CTNNA3: variants seen among roughly 807,000 people sequenced by gnomAD.
The protein encoded by CTNNA3 is catenin alpha-3.
A neutral mutation model predicts 95.7 loss-of-function variants in CTNNA3; 76 were observed. The observed-to-expected ratio is 0.79, with a 90% CI of 0.66 to 0.96. The LOEUF is 0.96. Among genes scored for constraint, CTNNA3 ranks in the 40% least tolerant of loss-of-function variants. CTNNA3 has a pLI of 0.00. For missense variants in CTNNA3, 1,191 were observed against 1,089.8 expected, an observed-to-expected ratio of 1.09 and a Z score of -1.31; for synonymous variants, 431 against 374.4, an observed-to-expected ratio of 1.15 and a Z score of -1.74.
At chr10:66,281,725 T>C (rs2091494986) in intron 12 of CTNNA3, among the ~76,000 whole-genome samples, 1 of 151,914 alleles carries the variant, frequency 6.6e-6, no homozygotes, top group Admixed American at 6.6e-5. Context: ...AAGTTGTATC[T>C]GCTTGTATGG....
intron 7 of CTNNA3, among the ~76,000 whole-genome samples, chr10:66,952,328 A>G (rs766192069): frequency 2.0e-5 from 3 of 152,208 alleles, no homozygotes; most frequent in Non-Finnish European, 4.4e-5. Flanking sequence ...TTTATACTCA[A>G]TCTAAGAGCT....
chr10:66,212,332 A>G (rs967779078), intron 13 of CTNNA3, among the ~76,000 whole-genome samples: 6 of 152,132 alleles, frequency 3.9e-5, no homozygotes, highest in African/African-American at 1.2e-4. Flanking sequence ...TAATACTTAT[A>G]GTAATCTGTT....
At chr10:67,697,553 G>A (rs1840990636), upstream of CTNNA3, among the ~76,000 whole-genome samples, 4 of 152,122 alleles carry the variant, frequency 2.6e-5, no homozygotes, top group Admixed American at 2.6e-4. Flanking sequence ...ACAAAATGTA[G>A]ATGAGAACTC....
At chr10:67,430,522 A>G (rs535176372) in intron 5 of CTNNA3, among the ~76,000 whole-genome samples, 1 of 152,070 alleles carries the variant, frequency 6.6e-6, no homozygotes, top group African/African-American at 2.4e-5. Context: ...TGATATATTT[A>G]ATAGTACCCA....
intron 5 of CTNNA3, among the ~76,000 whole-genome samples, chr10:67,345,424 G>A (rs554245348): frequency 7.3e-4 from 111 of 152,054 alleles, no homozygotes; most frequent in Non-Finnish European, 1.3e-3. Flanking sequence ...AATGCTGAAA[G>A]TGGGGTGTTG....
At chr10:66,038,908 G>C (rs747528291) in intron 15 of CTNNA3, among the ~76,000 whole-genome samples, 3 of 152,152 alleles carry the variant, frequency 2.0e-5, no homozygotes, top group Non-Finnish European at 4.4e-5. Context: ...TATCAGGCAA[G>C]AGAAAGAAAT....
intron 11 of CTNNA3, among the ~76,000 whole-genome samples, chr10:66,463,481 A>G (rs56112527): frequency 0.11 from 16,315 of 152,144 alleles, 1,178 homozygotes; most frequent in African/African-American, 0.21. Flanking sequence ...ACGCTCTCAC[A>G]TATTCCTTTA....
chr10:67,410,859 C>T (rs1845340422), intron 5 of CTNNA3, among the ~76,000 whole-genome samples: 1 of 152,096 alleles, frequency 6.6e-6, no homozygotes, highest in Non-Finnish European at 1.5e-5. Context: ...CAGGGGGAAC[C>T]TGTTCAGCCT....
chr10:67,307,909 G>A (rs1162316674), intron 5 of CTNNA3, among the ~76,000 whole-genome samples: 1 of 152,122 alleles, frequency 6.6e-6, no homozygotes, highest in East Asian at 1.9e-4. Flanking sequence ...AGTGGAATTA[G>A]GAATTAACAC....
intron 9 of CTNNA3, among the ~76,000 whole-genome samples, chr10:66,654,517 G>T (rs1299321332): frequency 6.6e-6 from 1 of 152,038 alleles, no homozygotes; most frequent in Middle Eastern, 3.2e-3. Context: ...ATGGAAATTA[G>T]TACAGCCATA....
intron 11 of CTNNA3, among the ~76,000 whole-genome samples, chr10:66,519,423 A>G (rs994483642): frequency 6.6e-6 from 1 of 152,162 alleles, no homozygotes; most frequent in African/African-American, 2.4e-5. Context: ...ATCATATTGC[A>G]TCTGTGAAAG....
chr10:66,344,226 C>A (rs865944859), intron 12 of CTNNA3, among the ~76,000 whole-genome samples: 85 of 139,762 alleles, frequency 6.1e-4, no homozygotes, highest in Middle Eastern at 3.6e-3. Flanking sequence ...GACTCCATCT[C>A]AAAAAAAAAA....
At chr10:65,977,770 C>T (rs765829668) in intron 16 of CTNNA3, among the ~76,000 whole-genome samples, 13 of 151,810 alleles carry the variant, frequency 8.6e-5, no homozygotes, top group Admixed American at 1.3e-4. Context: ...GACAGAGAGA[C>T]TCCGTCTCAA....
At chr10:66,075,369 A>G (rs2080530292) in intron 14 of CTNNA3, among the ~76,000 whole-genome samples, 1 of 151,856 alleles carries the variant, frequency 6.6e-6, no homozygotes, top group African/African-American at 2.4e-5. Context: ...TTATACAGCA[A>G]TTAACAATCC....
At chr10:65,991,446 GT>G (rs2078544053) in intron 15 of CTNNA3, among the ~76,000 whole-genome samples, 1 of 151,376 alleles carries the variant, frequency 6.6e-6, no homozygotes, top group African/African-American at 2.4e-5. Flanking sequence ...TTCCACCAGT[GT>G]TTTATAGTTT....
intron 13 of CTNNA3, among the ~76,000 whole-genome samples, chr10:66,214,987 A>G (rs543361868): frequency 2.0e-4 from 30 of 152,278 alleles, no homozygotes; most frequent in African/African-American, 6.0e-4. Context: ...TGATGACTAG[A>G]TAGATAGATA....
intron 12 of CTNNA3, among the ~76,000 whole-genome samples, chr10:66,283,598 T>C (rs1358077971): frequency 6.6e-6 from 1 of 151,924 alleles, no homozygotes; most frequent in African/African-American, 2.4e-5. Context: ...TAAGGGCCTT[T>C]TACTAATAAA....
At chr10:67,420,717 G>A (rs1845716935) in intron 5 of CTNNA3, among the ~76,000 whole-genome samples, 1 of 151,476 alleles carries the variant, frequency 6.6e-6, no homozygotes, top group African/African-American at 2.4e-5. Context: ...TTATTTTATT[G>A]TTATTATCTT....
intron 5 of CTNNA3, among the ~76,000 whole-genome samples, chr10:67,469,564 A>C (rs1244013551): frequency 6.7e-6 from 1 of 149,572 alleles, no homozygotes; most frequent in Non-Finnish European, 1.5e-5. Context: ...AACAATGAGA[A>C]CACATGGACA....
Sources: gnomAD v4.1 joint callset for allele counts (sites outside exome capture counted in the v4.1 genomes callset) on GRCh38, gnomAD v4.1.1 for gene constraint, MANE v1.5 for transcripts, NCBI Gene and HGNC (gene_info 2026-07-23, HGNC 2026-07-21) for gene names.